The following GPC6 variants were observed in gnomAD, a reference collection of about 807,000 sequenced individuals.
GPC6 encodes the protein glypican 6, also known as glypican-6.
A neutral mutation model predicts 55.2 loss-of-function variants in GPC6; 14 were observed. The observed-to-expected ratio is 0.25, with a 90% CI of 0.17 to 0.40. GPC6 has a LOEUF of 0.40. Among genes scored for constraint, GPC6 ranks in the 10% least tolerant of loss-of-function variants. The pLI is 1.00. For missense variants in GPC6, 641 were observed against 708.5 expected (o/e 0.90, Z 1.08); for synonymous variants, 278 against 259.6 (o/e 1.07, Z -0.68).
chr13:93,850,782 A>G (rs969222388), intron 3 of GPC6, among the ~76,000 whole-genome samples: 1 of 151,952 alleles, frequency 6.6e-6, no homozygotes, highest in African/African-American at 2.4e-5. Flanking sequence ...TTGTCTGAAT[A>G]ACTTAATTTC....
intron 6 of GPC6, among the ~76,000 whole-genome samples, chr13:94,333,066 T>C (rs1877507317): frequency 6.6e-6 from 1 of 152,196 alleles, no homozygotes; most frequent in Non-Finnish European, 1.5e-5. Context: ...TTCCAGGGTC[T>C]TCATCTGCTT....
At chr13:93,363,917 G>T (rs993733739) in intron 1 of GPC6, among the ~76,000 whole-genome samples, 2 of 151,860 alleles carry the variant, frequency 1.3e-5, no homozygotes, top group Admixed American at 1.3e-4. Flanking sequence ...GTGTTTTTTG[G>T]CTGCATAAAT....
At chr13:93,799,529 A>G (rs956052770) in intron 2 of GPC6, among the ~76,000 whole-genome samples, 1 of 152,184 alleles carries the variant, frequency 6.6e-6, no homozygotes, top group African/African-American at 2.4e-5. Flanking sequence ...CAAGGAATGT[A>G]ATTGAATTGG....
intron 4 of GPC6, among the ~76,000 whole-genome samples, chr13:94,255,265 T>C (rs1446997065): frequency 6.6e-6 from 1 of 152,162 alleles, no homozygotes; most frequent in East Asian, 1.9e-4. Context: ...CTCATGTCTG[T>C]GATCAAACCA....
chr13:94,396,330 G>A (rs911906643), intron 7 of GPC6, among the ~76,000 whole-genome samples: 2 of 152,264 alleles, frequency 1.3e-5, no homozygotes, highest in African/African-American at 4.8e-5. Context: ...GTGCATGGGG[G>A]TTCATTATGT....
rs1251164693 is a variant in GPC6 at position 94,209,530 on chromosome 13, T to TA, written c.878-76811dup. Among the ~76,000 whole-genome samples, 6 of 151,990 alleles carry TA rather than the reference T, an allele frequency of 3.9e-5. No homozygotes were observed. The East Asian group carries it at 5.8e-4, about 15-fold the overall frequency. ...TTAATGCTCCTGCAGAAATACGCCA[T>TA]AAAAAAAATAGCTTGATAAGAAAAA... On this transcript the variant is annotated intron_variant, in intron 4 of 8. Transcript: ENST00000377047.
intron 4 of GPC6, among the ~76,000 whole-genome samples, chr13:94,121,089 G>A (rs893589040): frequency 6.6e-6 from 1 of 152,084 alleles, no homozygotes; most frequent in Admixed American, 6.6e-5. Context: ...GAGAATCAAC[G>A]CTGGGTACAG....
Position 94,405,891 on chromosome 13 carries a change from A to G in GPC6, c.*2674A>G, listed in dbSNP as rs1881347714. 6.6e-6 allele frequency: 1 copy of G among 152,172 alleles called. No homozygotes were observed. Among genetic ancestry groups the G allele is most frequent in the Non-Finnish European group, 1.5e-5 (1 of 68,014 alleles). 9.4% of individuals were successfully genotyped at this position (152,172 alleles called of 1,614,324 possible). A position where few individuals can be genotyped will look rare whatever the true frequency, so the allele number is the denominator to read the frequency against. ...CATATGATTTTCAGACTAATTTAAC[A>G]TGAGAAATGTTTTGGCCCTAAAGGA... On this transcript the variant is annotated 3_prime_UTR_variant, in exon 9 of 9. Coordinates refer to ENST00000377047, the MANE Select transcript of GPC6 (RefSeq NM_005708.5).
chr13:93,402,983 A>T (rs1395244199), intron 1 of GPC6, among the ~76,000 whole-genome samples: 3 of 151,714 alleles, frequency 2.0e-5, no homozygotes, highest in Non-Finnish European at 3.0e-5. Context: ...AGTACTTTTA[A>T]TTAGGAAAAA....
chr13:94,328,116 T>G (rs1877219229), intron 6 of GPC6, among the ~76,000 whole-genome samples: 1 of 152,146 alleles, frequency 6.6e-6, no homozygotes, highest in African/African-American at 2.4e-5. Flanking sequence ...TCGGAATATG[T>G]GGGACTCGGA....
At chr13:93,791,692 A>T (rs571432185) in intron 2 of GPC6, among the ~76,000 whole-genome samples, 23 of 152,310 alleles carry the variant, frequency 1.5e-4, no homozygotes, top group African/African-American at 5.5e-4. Context: ...GTTAAAAAAT[A>T]ATATAAAAGC....
At chr13:93,453,779 G>A (rs374881880) in intron 1 of GPC6, among the ~76,000 whole-genome samples, 1 of 151,930 alleles carries the variant, frequency 6.6e-6, no homozygotes, top group East Asian at 2.0e-4. Context: ...GCAGACCTTC[G>A]CGGTGATTGT....
At chr13:93,914,911 A>T (rs2140339571) in intron 3 of GPC6, among the ~76,000 whole-genome samples, 1 of 152,316 alleles carries the variant, frequency 6.6e-6, no homozygotes, top group Middle Eastern at 3.4e-3. Context: ...AATTTTCAAG[A>T]CGCTTTTTCA....
chr13:94,008,032 A>AT (rs965839095), intron 3 of GPC6, among the ~76,000 whole-genome samples: 7 of 151,932 alleles, frequency 4.6e-5, no homozygotes, highest in East Asian at 1.9e-4. Flanking sequence ...AATATCATAA[A>AT]TTTTTTTTCT....
chr13:93,718,676 T>C (rs188205838), intron 2 of GPC6, among the ~76,000 whole-genome samples: 275 of 152,260 alleles, frequency 1.8e-3, no homozygotes, highest in Non-Finnish European at 3.1e-3. Flanking sequence ...ATGAATTCTT[T>C]GCCTATTCAT....
At chr13:94,032,694 G>T (rs1014136088) in intron 4 of GPC6, among the ~76,000 whole-genome samples, 1 of 152,160 alleles carries the variant, frequency 6.6e-6, no homozygotes. Flanking sequence ...AGGGTGTTGT[G>T]GGGGAAGCCA....
At chr13:93,332,896 G>A (rs1686050190) in intron 1 of GPC6, among the ~76,000 whole-genome samples, 1 of 152,118 alleles carries the variant, frequency 6.6e-6, no homozygotes, top group African/African-American at 2.4e-5. Flanking sequence ...TGAGAGACAT[G>A]GGGGTTTCAT....
chr13:93,283,872 A>C (rs1878029374), intron 1 of GPC6, among the ~76,000 whole-genome samples: 1 of 152,168 alleles, frequency 6.6e-6, no homozygotes, highest in African/African-American at 2.4e-5. Context: ...CCCAGAAACA[A>C]CTTATGGAGT....
At chr13:94,038,979 C>A (rs1053610782) in intron 4 of GPC6, among the ~76,000 whole-genome samples, 3 of 151,874 alleles carry the variant, frequency 2.0e-5, no homozygotes, top group African/African-American at 7.2e-5. Context: ...TCTGGATTTG[C>A]CTTAGTTCCT....
Sources: allele counts gnomAD v4.1 joint callset (sites outside exome capture counted in the v4.1 genomes callset), GRCh38; gene constraint gnomAD v4.1.1; transcripts MANE v1.5; gene names NCBI Gene and HGNC (gene_info 2026-07-23, HGNC 2026-07-21).